Variants in ABI3BP observed in about 807,000 individuals in gnomAD.
ABI3BP encodes target of Nesh-SH3.
Under a neutral mutation model 268.6 loss-of-function variants are expected in ABI3BP, and 216 were observed. The observed-to-expected ratio is 0.80, with a 90% CI of 0.72 to 0.90. The LOEUF is 0.90. Among genes scored for constraint, ABI3BP ranks in the 40% least tolerant of loss-of-function variants. The pLI, the probability that ABI3BP is intolerant of heterozygous loss-of-function variation, is 0.00. For missense variants in ABI3BP, 2,090 were observed against 2,182.4 expected (o/e 0.96, Z 0.84); for synonymous variants, 730 against 730.0 (o/e 1.00, Z 0.00).
At chr3:100,851,260 G>A (rs550409528) in intron 15 of ABI3BP, among the ~76,000 whole-genome samples, 10 of 152,144 alleles carry the variant, frequency 6.6e-5, no homozygotes, top group Non-Finnish European at 1.2e-4. Context: ...ACTATAGATG[G>A]GTCAGTAATT....
chr3:100,834,326 GT>G (rs1231661354), intron 29 of ABI3BP, among the ~76,000 whole-genome samples: 3 of 152,016 alleles, frequency 2.0e-5, no homozygotes, highest in Non-Finnish European at 2.9e-5. Context: ...TAAGTCATTT[GT>G]TTTTTTCTAA....
intron 43 of ABI3BP, 41 bp from the exon 44 acceptor site, chr3:100,816,012 A>T (rs1436882762): frequency 1.4e-6 from 2 of 1,385,170 alleles, no homozygotes; most frequent in Non-Finnish European, 1.9e-6. Flanking sequence ...AAGCTTAAAG[A>T]CTTTTTAAAA....
chr3:100,833,493 C>T (rs751716236), intron 29 of ABI3BP, among the ~76,000 whole-genome samples: 2 of 152,112 alleles, frequency 1.3e-5, no homozygotes, highest in East Asian at 3.9e-4. Flanking sequence ...TGTAGTTACA[C>T]TATAAACTGG....
intron 47 of ABI3BP, 107 bp from the exon 48 acceptor site, chr3:100,811,384 C>A: frequency 1.2e-6 from 1 of 824,196 alleles, no homozygotes. Context: ...ATTTTACAGA[C>A]AGGACAATGG....
chr3:100,876,613 T>A, intron 6 of ABI3BP, 53 bp from the exon 7 acceptor site: 1 of 1,528,702 alleles, frequency 6.5e-7, no homozygotes. Flanking sequence ...TAACTTTCTG[T>A]TCTTTAAAAC....
intron 65 of ABI3BP, 82 bp downstream of exon 65, chr3:100,753,737 A>G (rs977817667): frequency 2.0e-6 from 3 of 1,503,340 alleles, no homozygotes; most frequent in Non-Finnish European, 2.7e-6. Flanking sequence ...ACGCGAAATC[A>G]TGATTCAGAT....
chr3:100,785,668 G>A (rs913015710), intron 57 of ABI3BP, among the ~76,000 whole-genome samples: 3 of 152,150 alleles, frequency 2.0e-5, no homozygotes, highest in African/African-American at 7.2e-5. Context: ...TAGGAGAAAA[G>A]TGTTTAGTCT....
chr3:100,904,307 T>C (rs1050076571), intron 2 of ABI3BP, among the ~76,000 whole-genome samples: 1 of 152,146 alleles, frequency 6.6e-6, no homozygotes, highest in Non-Finnish European at 1.5e-5. Flanking sequence ...GCTGTCACCA[T>C]CTTGAAATTC....
rs138493446 is a variant in ABI3BP at position 100,937,929 on chromosome 3, A to G, written c.80-11448T>C. On this transcript the variant is annotated intron_variant, in intron 1 of 67. Transcript: ENST00000471714. ...TAGTATATGACATAGATTGTATTAAATTAAACTTTAACACTAAGATATACA... is the reference window on the plus strand; with the variant it reads ...TAGTATATGACATAGATTGTATTAAGTTAAACTTTAACACTAAGATATACA... 6.6e-3 allele frequency among the ~76,000 whole-genome samples: 1,009 copies of G among 152,214 alleles called. 8 individuals are homozygous for G. The highest frequency in any genetic ancestry group is 0.021 in the African/African-American group (875 of 41,548).
intron 41 of ABI3BP, 31 bp downstream of exon 41, chr3:100,818,494 G>A: frequency 6.6e-7 from 1 of 1,510,566 alleles, no homozygotes; most frequent in Non-Finnish European, 8.9e-7. Context: ...AGCAGGAAAA[G>A]CACTATTTGA....
Position 100,834,743 on chromosome 3 carries a change from C to A in ABI3BP, c.2222G>T (p.Arg741Leu). Residue 741 changes from arginine (R) to leucine (L), a missense_variant, in exon 29 of 68, where the codon CGT becomes CTT. By Grantham distance (102) the Arg-to-Leu change is moderately radical (BLOSUM62 -2). Transcript: ENST00000471714. ...APKTSQRTRT[R>L]RPRPKHKTTP... ...GGTTTTATGTTTGGGACGTGGACGA[C>A]GTGTTCTTGTTCGTTGCGATGTTTT... The A allele has an allele frequency of 1.3e-6, 2 of 1,535,596 alleles. No individual in the cohort carries two copies. The highest frequency in any genetic ancestry group is 2.4e-5 in the South Asian group (2 of 84,036).
intron 59 of ABI3BP, 113 bp from the exon 60 acceptor site, chr3:100,775,448 T>C (rs963825812): frequency 8.5e-5 from 118 of 1,388,634 alleles, no homozygotes; most frequent in Non-Finnish European, 1.0e-4. Context: ...CTTGGCACTA[T>C]AGACCAGGCT....
intron 9 of ABI3BP, among the ~76,000 whole-genome samples, chr3:100,867,650 A>AAAAAAG (rs2099066444): frequency 6.6e-6 from 1 of 151,098 alleles, no homozygotes; most frequent in Non-Finnish European, 1.5e-5. Context: ...CAAAAAAAAA[A>AAAAAAG]AAAAAAAAAA....
chr3:100,798,355 C>T (rs1283729809), intron 51 of ABI3BP, among the ~76,000 whole-genome samples: 9 of 152,098 alleles, frequency 5.9e-5, no homozygotes, highest in African/African-American at 2.2e-4. Context: ...TAATATGAAT[C>T]ATTCTCCTAC....
At chr3:100,918,467 G>A (rs77443721) in intron 2 of ABI3BP, among the ~76,000 whole-genome samples, 58 of 152,086 alleles carry the variant, frequency 3.8e-4, no homozygotes, top group African/African-American at 1.3e-3. Flanking sequence ...GAAGTGTAGA[G>A]GCAGACAAGA....
At chr3:100,903,019 T>C (rs1374382468) in intron 2 of ABI3BP, among the ~76,000 whole-genome samples, 1 of 152,184 alleles carries the variant, frequency 6.6e-6, no homozygotes, top group African/African-American at 2.4e-5. Context: ...GTCCATTCTG[T>C]TACCCCATGC....
At chr3:100,773,942 G>T (rs2096629145) in intron 61 of ABI3BP, among the ~76,000 whole-genome samples, 1 of 152,186 alleles carries the variant, frequency 6.6e-6, no homozygotes, top group South Asian at 2.1e-4. Flanking sequence ...GGTTGAGTGG[G>T]AGGAATAAGA....
intron 48 of ABI3BP, 28 bp from the exon 49 acceptor site, chr3:100,810,505 G>T: frequency 2.0e-6 from 3 of 1,496,678 alleles, no homozygotes; most frequent in Non-Finnish European, 2.7e-6. Flanking sequence ...AAGTACGCGG[G>T]TTACTATAGC....
intron 6 of ABI3BP, among the ~76,000 whole-genome samples, chr3:100,880,318 C>T (rs1311050799): frequency 6.6e-6 from 1 of 152,166 alleles, no homozygotes; most frequent in Non-Finnish European, 1.5e-5. Flanking sequence ...CCCTTGCTGG[C>T]TCTCTTTTCC....
Sources: gnomAD v4.1 joint callset for allele counts (sites outside exome capture counted in the v4.1 genomes callset) on GRCh38, gnomAD v4.1.1 for gene constraint, MANE v1.5 for transcripts, NCBI Gene and HGNC (gene_info 2026-07-23, HGNC 2026-07-21) for gene names.